Variants in FNIP1 observed in about 807,000 individuals in gnomAD.
The protein encoded by FNIP1 is folliculin interacting protein 1.
Under a neutral mutation model 124.5 loss-of-function variants are expected in FNIP1, and 40 were observed. The ratio of observed to expected loss-of-function variants is 0.32; its 90% CI spans 0.25 to 0.42. FNIP1 has a LOEUF of 0.42. FNIP1 is among the 10% of genes least tolerant of loss of function. The probability of loss-of-function intolerance (pLI) is 1.00; values close to 1 mark genes in which losing one functional copy is unlikely to be tolerated. For missense variants in FNIP1, 1,176 were observed against 1,403.7 expected (o/e 0.84, Z 2.59); for synonymous variants, 472 against 470.6 (o/e 1.00, Z -0.04).
At chr5:131,777,055 G>A (rs1306776655) in intron 1 of FNIP1, among the ~76,000 whole-genome samples, 1 of 152,024 alleles carries the variant, frequency 6.6e-6, no homozygotes, top group Non-Finnish European at 1.5e-5. Context: ...AACATAGCGA[G>A]ACTCTGTATC....
chr5:131,790,997 A>ATTT, intron 1 of FNIP1, among the ~76,000 whole-genome samples: 1 of 152,246 alleles, frequency 6.6e-6, no homozygotes, highest in East Asian at 1.9e-4. Context: ...GTCAACCTAA[A>ATTT]AAGGCTTCCA....
At chr5:131,787,920 G>C (rs925402054) in intron 1 of FNIP1, among the ~76,000 whole-genome samples, 2 of 152,172 alleles carry the variant, frequency 1.3e-5, no homozygotes, top group African/African-American at 2.4e-5. Flanking sequence ...GCTGCAGTGA[G>C]CTAGGATTGC....
chr5:131,744,465 C>A, intron 2 of FNIP1, 99 bp downstream of exon 2: 1 of 1,197,114 alleles, frequency 8.4e-7, no homozygotes, highest in South Asian at 1.7e-5. Context: ...AATATCCAGT[C>A]ATTTCCTTCT....
At chr5:131,782,412 C>T (rs936470925) in intron 1 of FNIP1, among the ~76,000 whole-genome samples, 2 of 151,778 alleles carry the variant, frequency 1.3e-5, no homozygotes, top group Admixed American at 6.6e-5. Context: ...AAAAACCAAA[C>T]ACGCACAAAA....
chr5:131,786,898 A>G (rs1772236351), intron 1 of FNIP1, among the ~76,000 whole-genome samples: 1 of 152,226 alleles, frequency 6.6e-6, no homozygotes, highest in African/African-American at 2.4e-5. Context: ...GTATTCTGTT[A>G]TAACAGCACA....
chr5:131,749,380 AC>A (rs1300251292), intron 1 of FNIP1, among the ~76,000 whole-genome samples: 1 of 148,308 alleles, frequency 6.7e-6, no homozygotes, highest in African/African-American at 2.5e-5. Context: ...ATATAAGTGT[AC>A]CACTTTTTAT....
chr5:131,701,672 T>G (rs1002115321), intron 10 of FNIP1, among the ~76,000 whole-genome samples: 4 of 152,232 alleles, frequency 2.6e-5, no homozygotes, highest in African/African-American at 9.6e-5. Flanking sequence ...AATGAGTTAT[T>G]GAGATACATC....
At chr5:131,670,863 T>G (rs1304409584) in intron 14 of FNIP1, among the ~76,000 whole-genome samples, 1 of 152,168 alleles carries the variant, frequency 6.6e-6, no homozygotes, top group Non-Finnish European at 1.5e-5. Flanking sequence ...TCAAGTGCTC[T>G]ATCAGAAAAT....
At chr5:131,759,616 G>A (rs6897008) in intron 1 of FNIP1, among the ~76,000 whole-genome samples, 4,048 of 152,202 alleles carry the variant, frequency 0.027, 190 homozygotes, top group African/African-American at 0.092. Context: ...GTGAGGCCGT[G>A]GAGAAAAAGG....
At chr5:131,658,176 C>T (rs1767267387) in intron 15 of FNIP1, among the ~76,000 whole-genome samples, 1 of 151,944 alleles carries the variant, frequency 6.6e-6, no homozygotes, top group African/African-American at 2.4e-5. Context: ...AGGAACAAGA[C>T]GTAGAAGCAG....
At chr5:131,695,172 C>T (rs1348016389) in intron 11 of FNIP1, among the ~76,000 whole-genome samples, 2 of 151,460 alleles carry the variant, frequency 1.3e-5, no homozygotes, top group Non-Finnish European at 2.9e-5. Flanking sequence ...ACTGGGAAAA[C>T]TGTAGGTTGG....
At chr5:131,735,722 T>C (rs2149554093) in intron 2 of FNIP1, among the ~76,000 whole-genome samples, 1 of 151,016 alleles carries the variant, frequency 6.6e-6, no homozygotes, top group South Asian at 2.1e-4. Context: ...ACCTGTATCC[T>C]TGAGCAAGTT....
At position 131,704,051 on chromosome 5, in the gene FNIP1, ATAAC is replaced by A; in HGVS notation, c.1116+10_1116+13del. The A allele has an allele frequency of 6.4e-7, 1 of 1,555,954 alleles. No homozygotes were observed. Among genetic ancestry groups the A allele is most frequent in the Non-Finnish European group, 8.7e-7 (1 of 1,144,556 alleles). On this transcript the variant is annotated intron_variant, in intron 10 of 17. Transcript: ENST00000510461. ...TTTTAAAAGGAAAATACATAAATAA[ATAAC>A]TATGCTTACCTGTTCTATTGCACTC...
chr5:131,778,356 G>A (rs1453612754), intron 1 of FNIP1, among the ~76,000 whole-genome samples: 1 of 152,148 alleles, frequency 6.6e-6, no homozygotes, highest in Non-Finnish European at 1.5e-5. Context: ...CTGTGAGGAA[G>A]AAAGAAGACA....
chr5:131,746,583 G>A (rs542401369), intron 1 of FNIP1, among the ~76,000 whole-genome samples: 6 of 152,256 alleles, frequency 3.9e-5, no homozygotes, highest in African/African-American at 9.6e-5. Context: ...AGCTGCCTTC[G>A]TGTTGCTGCA....
intron 1 of FNIP1, chr5:131,795,507 A>G (rs1187077607): frequency 6.6e-6 from 1 of 152,210 alleles, no homozygotes; most frequent in Admixed American, 6.5e-5. Flanking sequence ...CCTGTTTCCT[A>G]TTGTCGCTTG....
intron 17 of FNIP1, among the ~76,000 whole-genome samples, chr5:131,646,385 A>G (rs1766881468): frequency 6.6e-6 from 1 of 152,156 alleles, no homozygotes; most frequent in Non-Finnish European, 1.5e-5. Flanking sequence ...CTAGTAAAAA[A>G]TTTTCATGTG....
At chr5:131,790,303 AC>A (rs1038587520) in intron 1 of FNIP1, among the ~76,000 whole-genome samples, 3 of 151,972 alleles carry the variant, frequency 2.0e-5, no homozygotes, top group Admixed American at 6.6e-5. Flanking sequence ...ACGTGGCGAA[AC>A]CCCGTGTCTA....
At chr5:131,716,504 A>T in intron 6 of FNIP1, 61 bp downstream of exon 6, 1 of 1,174,008 alleles carries the variant, frequency 8.5e-7, no homozygotes, top group South Asian at 1.4e-5. Flanking sequence ...GAATAACTTC[A>T]AAAAACACTT....
Sources: gnomAD v4.1 joint callset for allele counts (sites outside exome capture counted in the v4.1 genomes callset) on GRCh38, gnomAD v4.1.1 for gene constraint, MANE v1.5 for transcripts, NCBI Gene and HGNC (gene_info 2026-07-23, HGNC 2026-07-21) for gene names.